TRABD: variants seen among roughly 807,000 people sequenced by gnomAD.
The protein encoded by TRABD is traB domain-containing protein.
A neutral mutation model predicts 39.6 loss-of-function variants in TRABD; 23 were observed. That is an observed-to-expected ratio of 0.58 (90% CI 0.42 to 0.82). The LOEUF (loss-of-function observed/expected upper bound fraction) is 0.82, where lower values mean the gene tolerates loss of function less well. TRABD is among the 40% of genes least tolerant of loss of function. The probability of loss-of-function intolerance (pLI) is 0.00; values close to 1 mark genes in which losing one functional copy is unlikely to be tolerated. For synonymous variants in TRABD, 243 were observed against 232.1 expected, an observed-to-expected ratio of 1.05 and a Z score of -0.43; for missense variants, 487 against 544.9, an observed-to-expected ratio of 0.89 and a Z score of 1.06.
chr22:50,197,765 C>CCCCCCCCCCCCCCCCCCCTGGG, intron 7 of TRABD, 58 bp from the exon 8 acceptor site: 3 of 754,048 alleles, frequency 4.0e-6, no homozygotes, highest in Non-Finnish European at 4.4e-6. Flanking sequence ...ACAGTGCCAG[C>CCCCCCCCCCCCCCCCCCCTGGG]CCCACCCCCC....
Position 50,194,596 on chromosome 22 carries a change from C to T in TRABD, c.279+90C>T, listed in dbSNP as rs2064031791. 2.6e-6 allele frequency: 4 copies of T among 1,522,438 alleles called. No homozygotes were observed. The Admixed American group carries it at 8.6e-5, about 33-fold the overall frequency. 94.3% of individuals were successfully genotyped at this position (1,522,438 alleles called of 1,614,324 possible). ...GGGACCTCCCGGCAGGGCCCGTGTG[C>T]CCGTGTGTGCGCACCGCAGGCCTCC... On this transcript the variant is annotated intron_variant, in intron 4 of 9. Transcript: ENST00000380909.
chr22:50,193,622 C>G lies in TRABD; in HGVS notation c.80C>G (p.Pro27Arg), dbSNP rs774738415. Residue 27 changes from proline to arginine, a missense_variant, in exon 3 of 10, where the codon CCC becomes CGC. By Grantham distance (103) the Pro-to-Arg change is moderately radical. Coordinates refer to ENST00000380909, the MANE Select transcript of TRABD (RefSeq NM_001320485.2). ...CCGTCAGAGGCTTCAGAGCCGGTGC[C>G]CAGGGTGCTTTCTGGAGACCCCCAG... is the stretch of plus-strand genomic sequence containing the variant. ...VVPSEASEPV[P>R]RVLSGDPQNL... 2 of 1,613,822 alleles carry G rather than the reference C, an allele frequency of 1.2e-6. No individual in the cohort carries two copies. Among genetic ancestry groups the G allele is most frequent in the East Asian group, 4.5e-5 (2 of 44,872 alleles).
chr22:50,188,099 G>C (rs1004738630), intron 1 of TRABD, among the ~76,000 whole-genome samples: 4 of 151,602 alleles, frequency 2.6e-5, no homozygotes, highest in African/African-American at 9.7e-5. Flanking sequence ...GGCCAAGATG[G>C]TGAAACCCCA....
intron 5 of TRABD, chr22:50,196,892 G>T (rs932847028): frequency 3.9e-5 from 8 of 203,580 alleles, no homozygotes; most frequent in African/African-American, 1.9e-4. Flanking sequence ...ATGGGGTTTC[G>T]CCATGTTGGC....
At chr22:50,197,781 C>CCCCCCG in intron 7 of TRABD, 42 bp from the exon 8 acceptor site, 3 of 1,497,084 alleles carry the variant, frequency 2.0e-6, no homozygotes, top group Non-Finnish European at 2.8e-6. Context: ...CCCCCCAGCC[C>CCCCCCG]GTTGCCCATC....
At chr22:50,188,965 G>C (rs1243752258) in intron 1 of TRABD, among the ~76,000 whole-genome samples, 1 of 152,216 alleles carries the variant, frequency 6.6e-6, no homozygotes, top group Non-Finnish European at 1.5e-5. Flanking sequence ...AATTCTCAGA[G>C]GCTTCGTCTG....
In TRABD at chr22:50,199,429, A is replaced by C; in HGVS notation, c.*910A>C. The C allele has an allele frequency of 3.1e-6, 1 of 318,548 alleles. No individual in the cohort carries two copies. Among genetic ancestry groups the C allele is most frequent in the East Asian group, 6.3e-5 (1 of 15,862 alleles). The allele number at this position is 318,548 out of a possible 1,614,324, so 19.7% of individuals were successfully genotyped here. ...TGCGGGGCCTCCCTCCTGGCTGTCC[A>C]GGACACAGCCCGTGCAGCCCCAGCC... is the stretch of plus-strand genomic sequence containing the variant. On this transcript the variant is annotated 3_prime_UTR_variant, in exon 10 of 10. Transcript: ENST00000380909.
chr22:50,186,845 C>T (rs2147079675), intron 1 of TRABD, among the ~76,000 whole-genome samples: 1 of 152,364 alleles, frequency 6.6e-6, no homozygotes, highest in South Asian at 2.1e-4. Flanking sequence ...ATGAAGCTGC[C>T]GTGTGTCTTT....
At position 50,193,620 on chromosome 22, in the gene TRABD, G is replaced by A. The variant is rs771425482; in HGVS notation, c.78G>A (p.Val26=). The A allele has an allele frequency of 8.1e-6, 13 of 1,613,686 alleles. No individual in the cohort carries two copies. Among genetic ancestry groups the A allele is most frequent in the East Asian group, 4.5e-5 (2 of 44,880 alleles). Reference sequence around the variant, plus strand: ...TGCCGTCAGAGGCTTCAGAGCCGGTGCCCAGGGTGCTTTCTGGAGACCCCC... The same window carrying A: ...TGCCGTCAGAGGCTTCAGAGCCGGTACCCAGGGTGCTTTCTGGAGACCCCC... ...PVVPSEASEP[V]PRVLSGDPQN... is the part of the protein sequence containing the mutation. The change falls in exon 3 of 10, where the codon GTG becomes GTA. Residue 26 remains valine, a synonymous_variant. Transcript: ENST00000380909.
chr22:50,191,190 G>A (rs897137474), intron 1 of TRABD, among the ~76,000 whole-genome samples: 2 of 152,146 alleles, frequency 1.3e-5, no homozygotes, highest in African/African-American at 4.8e-5. Flanking sequence ...GGCTGTCCAA[G>A]AAGAGGGCAG....
chr22:50,198,398 C>T lies in TRABD; in HGVS notation c.1010C>T (p.Ala337Val), dbSNP rs762858550. ...GTGTCTCGGTTGGCCGTGAAGGCCGCCTTCTTCGGCCTGCTGGGCTACAGC... is the reference window on the plus strand; with the variant it reads ...GTGTCTCGGTTGGCCGTGAAGGCCGTCTTCTTCGGCCTGCTGGGCTACAGC... ...GRVSRLAVKA[A>V]FFGLLGYSLY... The change falls in exon 10 of 10, where the codon GCC becomes GTC. Residue 337 changes from alanine to valine, a missense_variant. Transcript: ENST00000380909. This position sits in a 1 kb window ranked among gnomAD's most constrained non-coding sequence, Gnocchi z 7.9. The T allele has an allele frequency of 4.0e-5, 64 of 1,594,518 alleles. No individual in the cohort carries two copies. Among genetic ancestry groups the T allele is most frequent in the Non-Finnish European group, 5.2e-5 (61 of 1,176,382 alleles).
chr22:50,192,794 T>TTCACCAGCAACCCGCCCTGGGCCC (rs2063952972), intron 1 of TRABD, among the ~76,000 whole-genome samples: 1 of 152,254 alleles, frequency 6.6e-6, no homozygotes, highest in East Asian at 1.9e-4. Flanking sequence ...CGTCTGCGTT[T>TTCACCAGCAACCCGCCCTGGGCCC]GGTTTATGCT....
chr22:50,195,063 C>G (rs2064051873), intron 5 of TRABD, 23 bp downstream of exon 5: 4 of 1,545,042 alleles, frequency 2.6e-6, no homozygotes, highest in Admixed American at 3.8e-5. Context: ...GGGCAAGGGT[C>G]AGGGTCAGGG....
At chr22:50,188,593 A>G (rs1424830774) in intron 1 of TRABD, among the ~76,000 whole-genome samples, 2 of 152,232 alleles carry the variant, frequency 1.3e-5, no homozygotes, top group Non-Finnish European at 2.9e-5. Flanking sequence ...CAGGAGTACT[A>G]ACCCCGTCAT....
chr22:50,195,341 G>GCC (rs34073975), intron 5 of TRABD, among the ~76,000 whole-genome samples: 5 of 151,980 alleles, frequency 3.3e-5, no homozygotes, highest in African/African-American at 9.7e-5. Flanking sequence ...TGCAAGGTTG[G>GCC]CCCCCCCGGT....
chr22:50,193,115 C>T, intron 2 of TRABD, 22 bp downstream of exon 2: 1 of 1,538,218 alleles, frequency 6.5e-7, no homozygotes. Flanking sequence ...GCTGGGCTGG[C>T]TGCACAGAGA....
At chr22:50,187,581 T>C (rs941630771) in intron 1 of TRABD, among the ~76,000 whole-genome samples, 8 of 152,216 alleles carry the variant, frequency 5.3e-5, no homozygotes, top group African/African-American at 1.9e-4. Flanking sequence ...ACTAGGAAGC[T>C]AGGCTGCAGT....
Position 50,197,224 on chromosome 22 carries a change from G to A in TRABD, c.421-17G>A. ...GCACCCGCCCCTCCAGCTGATGCCT[G>A]CTCCCTCTCTCTGCAGAACGGGCTC... On this transcript the variant is annotated splice_polypyrimidine_tract_variant and intron_variant, in intron 5 of 9. Transcript: ENST00000380909. 3 of 1,609,408 alleles carry A rather than the reference G, an allele frequency of 1.9e-6. No individual in the cohort carries two copies. Among genetic ancestry groups the A allele is most frequent in the South Asian group, 1.1e-5 (1 of 90,852 alleles).
chr22:50,198,000 C>T lies in TRABD; in HGVS notation c.844+5C>T, dbSNP rs201046919. ...AGCTGCCTCGGGCCTCTGACGGTGA[C>T]GGCCGCCCGCAGGCGTGGGACCCCC... On this transcript the variant is annotated splice_donor_5th_base_variant and intron_variant, in intron 8 of 9. Coordinates refer to ENST00000380909, the MANE Select transcript of TRABD (RefSeq NM_001320485.2). The T allele has an allele frequency of 2.7e-5, 44 of 1,610,704 alleles. No individual in the cohort carries two copies. The highest frequency in any genetic ancestry group is 3.3e-4 in the Middle Eastern group (2 of 6,056).
Sources: gnomAD v4.1 joint callset for allele counts (sites outside exome capture counted in the v4.1 genomes callset) on GRCh38, gnomAD v4.1.1 for gene constraint, Gnocchi (gnomAD v3.1) non-coding constraint, MANE v1.5 for transcripts, NCBI Gene and HGNC (gene_info 2026-07-23, HGNC 2026-07-21) for gene names.